The following DNAI4 variants were observed in gnomAD, a reference collection of about 807,000 sequenced individuals.
The protein encoded by DNAI4 is dynein axonemal intermediate chain 4, also known as WD repeat domain 78.
In DNAI4, 85 loss-of-function variants were observed where a neutral mutation model predicts 105.8. The observed-to-expected ratio is 0.80, with a 90% CI of 0.67 to 0.96. The LOEUF is 0.96. Among genes scored for constraint, DNAI4 ranks in the 40% least tolerant of loss-of-function variants. The pLI is 0.00. For missense variants in DNAI4, 1,014 were observed against 1,005.6 expected, an observed-to-expected ratio of 1.01 and a Z score of -0.11; for synonymous variants, 352 against 331.5, an observed-to-expected ratio of 1.06 and a Z score of -0.67.
At chr1:66,819,134 C>T (rs1190424642) in intron 16 of DNAI4, among the ~76,000 whole-genome samples, 1 of 152,082 alleles carries the variant, frequency 6.6e-6, no homozygotes, top group Admixed American at 6.5e-5. Flanking sequence ...CCACTTTTCT[C>T]TCAAGCAACT....
intron 15 of DNAI4, among the ~76,000 whole-genome samples, chr1:66,825,220 G>A (rs541925640): frequency 6.9e-5 from 10 of 145,498 alleles, no homozygotes; most frequent in South Asian, 2.2e-4. Context: ...TCGCCCAGGC[G>A]GGACTGCGGA....
At chr1:66,915,824 T>C (rs1650023081) in intron 1 of DNAI4, among the ~76,000 whole-genome samples, 1 of 152,002 alleles carries the variant, frequency 6.6e-6, no homozygotes, top group South Asian at 2.1e-4. Context: ...TAATTTTATA[T>C]GAGAAAAAAA....
intron 1 of DNAI4, chr1:66,921,268 A>C (rs1650459026): frequency 6.6e-6 from 1 of 152,242 alleles, no homozygotes; most frequent in African/African-American, 2.4e-5. Context: ...AACAATCAGC[A>C]GTTATTTTTA....
intron 7 of DNAI4, among the ~76,000 whole-genome samples, chr1:66,858,494 C>T (rs1464018883): frequency 7.6e-6 from 1 of 131,118 alleles, no homozygotes; most frequent in Non-Finnish European, 1.5e-5. Flanking sequence ...GATCAGGCCA[C>T]AGCATTCCAG....
At chr1:66,898,539 G>T (rs1234770765) in intron 2 of DNAI4, among the ~76,000 whole-genome samples, 1 of 152,050 alleles carries the variant, frequency 6.6e-6, no homozygotes, top group African/African-American at 2.4e-5. Context: ...CATGAGAGGG[G>T]TCTGTTATAA....
intron 1 of DNAI4, among the ~76,000 whole-genome samples, chr1:66,922,200 T>A (rs1420815185): frequency 6.6e-6 from 1 of 152,094 alleles, no homozygotes; most frequent in African/African-American, 2.4e-5. Context: ...GTGGTGGAAT[T>A]ACAGGCATGA....
At chr1:66,924,126 T>A (rs1190289483) in intron 1 of DNAI4, among the ~76,000 whole-genome samples, 1 of 152,182 alleles carries the variant, frequency 6.6e-6, no homozygotes, top group African/African-American at 2.4e-5. Flanking sequence ...GAACGATGGT[T>A]CTAAACCAGG....
intron 1 of DNAI4, among the ~76,000 whole-genome samples, chr1:66,909,321 C>CACACACACACACACAG (rs1369293417): frequency 2.0e-5 from 3 of 151,476 alleles, no homozygotes; most frequent in East Asian, 3.9e-4. Flanking sequence ...CACACACACA[C>CACACACACACACACAG]AGTCTCTCTT....
intron 8 of DNAI4, among the ~76,000 whole-genome samples, chr1:66,845,189 T>C (rs1572637479): frequency 5.7e-5 from 1 of 17,556 alleles, no homozygotes. Flanking sequence ...AAACTCCATC[T>C]CAAAAAAAAA....
At chr1:66,862,885 G>A (rs1234834550) in intron 6 of DNAI4, among the ~76,000 whole-genome samples, 10 of 152,108 alleles carry the variant, frequency 6.6e-5, no homozygotes, top group Non-Finnish European at 1.0e-4. Context: ...AGACTTTTAT[G>A]TTCCTTTACT....
chr1:66,915,057 A>G (rs764342287), intron 1 of DNAI4, among the ~76,000 whole-genome samples: 2 of 152,220 alleles, frequency 1.3e-5, no homozygotes, highest in East Asian at 1.9e-4. Flanking sequence ...GACAAATACT[A>G]TAAGGTGTCA....
chr1:66,893,063 G>GAGAGAGAGAGAGAGAAAGAA (rs879150798), intron 3 of DNAI4, among the ~76,000 whole-genome samples, 166 bp downstream of exon 3: 1 of 89,552 alleles, frequency 1.1e-5, no homozygotes, highest in African/African-American at 4.9e-5. Flanking sequence ...AAGAGAGAGA[G>GAGAGAGAGAGAGAGAAAGAA]AGAAAGAAAG....
chr1:66,924,798 G>T lies in DNAI4; in HGVS notation c.34C>A (p.Arg12=). Residue 12 remains arginine, a synonymous_variant, in exon 1 of 17, where the codon CGA becomes AGA. Coordinates refer to ENST00000371026, the MANE Select transcript of DNAI4 (RefSeq NM_024763.5). ...CCCCAAGCTCCTCCGTTAGCGGCTCGGGCCGAGGCTCCGGAATGTTTGCCG... is the reference window on the plus strand; with the variant it reads ...CCCCAAGCTCCTCCGTTAGCGGCTCTGGCCGAGGCTCCGGAATGTTTGCCG... ...TPGKHSGASA[R]AANGGAWGYR... The T allele has an allele frequency of 6.2e-7, 1 of 1,613,970 alleles. No individual in the cohort carries two copies. The highest frequency in any genetic ancestry group is 8.5e-7 in the Non-Finnish European group (1 of 1,180,008).
chr1:66,864,427 C>T (rs7535403), intron 6 of DNAI4, among the ~76,000 whole-genome samples: 12,939 of 151,870 alleles, frequency 0.085, 771 homozygotes, highest in African/African-American at 0.17. Context: ...CAGTGTAATA[C>T]ATGTTTAAAT....
At chr1:66,859,327 C>T (rs1646574780) in intron 7 of DNAI4, among the ~76,000 whole-genome samples, 1 of 146,784 alleles carries the variant, frequency 6.8e-6, no homozygotes, top group Non-Finnish European at 1.5e-5. Context: ...GAATGAGAAA[C>T]AGGAATGCTC....
intron 9 of DNAI4, among the ~76,000 whole-genome samples, chr1:66,839,868 A>G (rs1283778376): frequency 6.6e-6 from 1 of 152,212 alleles, no homozygotes; most frequent in African/African-American, 2.4e-5. Flanking sequence ...CAAATTATTT[A>G]TGCTTTTTGT....
chr1:66,819,616 G>A (rs1421689862), intron 16 of DNAI4, among the ~76,000 whole-genome samples: 1 of 151,956 alleles, frequency 6.6e-6, no homozygotes, highest in Admixed American at 6.6e-5. Flanking sequence ...AAAAATAAGT[G>A]TACGAAATAC....
chr1:66,842,549 C>T (rs1005865146), intron 8 of DNAI4, among the ~76,000 whole-genome samples: 1 of 152,082 alleles, frequency 6.6e-6, no homozygotes, highest in African/African-American at 2.4e-5. Context: ...TGCCACCATA[C>T]TCGGCTAAAT....
Position 66,924,844 on chromosome 1 carries a change from G to C in DNAI4, c.-13C>G. On this transcript the variant is annotated 5_prime_UTR_variant, in exon 1 of 17. Coordinates refer to ENST00000371026, the MANE Select transcript of DNAI4 (RefSeq NM_024763.5). Reference sequence around the variant, plus strand: ...TGCCGGGCGTCATGGCGACGGTGGAGCCCTGGCTCAACAAGCGGCCGCGCG... The same window carrying C: ...TGCCGGGCGTCATGGCGACGGTGGACCCCTGGCTCAACAAGCGGCCGCGCG... The C allele has an allele frequency of 6.2e-7, 1 of 1,611,828 alleles. No individual in the cohort carries two copies. The highest frequency in any genetic ancestry group is 8.5e-7 in the Non-Finnish European group (1 of 1,178,806).
Sources: allele counts gnomAD v4.1 joint callset (sites outside exome capture counted in the v4.1 genomes callset), GRCh38; gene constraint gnomAD v4.1.1; transcripts MANE v1.5; gene names NCBI Gene and HGNC (gene_info 2026-07-23, HGNC 2026-07-21).